Variants in TM4SF4 observed in about 807,000 individuals in gnomAD.
TM4SF4 encodes transmembrane 4 L six family member 4, also known as transmembrane 4 L6 family member 4.
TM4SF4 carries 24 observed loss-of-function variants against 24.1 expected under a neutral mutation model. The observed-to-expected ratio is 1.00, with a 90% confidence interval of 0.72 to 1.40. The LOEUF (loss-of-function observed/expected upper bound fraction) is 1.40, where lower values mean the gene tolerates loss of function less well. Among genes scored for constraint, TM4SF4 ranks in the 40% most tolerant of loss-of-function variants. The pLI, the probability that TM4SF4 is intolerant of heterozygous loss-of-function variation, is 0.00. For synonymous variants in TM4SF4, 113 were observed against 97.0 expected (o/e 1.17, Z -0.97); for missense variants, 254 against 254.2 (o/e 1.00, Z 0.01).
chr3:149,493,182 A>G (rs1734244867), intron 3 of TM4SF4, among the ~76,000 whole-genome samples: 1 of 152,354 alleles, frequency 6.6e-6, no homozygotes. Flanking sequence ...TTTATGCATT[A>G]AAACTTTAAA....
At chr3:149,483,944 C>A (rs1186416598) in intron 2 of TM4SF4, among the ~76,000 whole-genome samples, 10 of 152,076 alleles carry the variant, frequency 6.6e-5, no homozygotes, top group Admixed American at 6.6e-4. Flanking sequence ...CCATGCCTGG[C>A]TAATTTTTGT....
At chr3:149,491,159 T>A (rs909865710) in intron 3 of TM4SF4, among the ~76,000 whole-genome samples, 2 of 151,868 alleles carry the variant, frequency 1.3e-5, no homozygotes, top group African/African-American at 4.8e-5. Context: ...TTTTTTTTTT[T>A]AATTAGCTGG....
At chr3:149,476,184 T>C (rs1039141688) in intron 2 of TM4SF4, among the ~76,000 whole-genome samples, 2 of 152,240 alleles carry the variant, frequency 1.3e-5, no homozygotes, top group African/African-American at 2.4e-5. Context: ...GGGTCCCATA[T>C]ACAGAATGCA....
chr3:149,502,588 G>T (rs531755670), intron 4 of TM4SF4, 88 bp from the exon 5 acceptor site: 3 of 871,390 alleles, frequency 3.4e-6, no homozygotes, highest in Admixed American at 1.7e-5. Flanking sequence ...CCAGGAGGAA[G>T]GCAGGTGATG....
intron 2 of TM4SF4, 72 bp downstream of exon 2, chr3:149,475,984 G>T (rs1246093782): frequency 2.3e-6 from 3 of 1,330,358 alleles, no homozygotes; most frequent in Non-Finnish European, 3.2e-6. Flanking sequence ...GGCAGCATGG[G>T]GATGGAGACA....
At chr3:149,490,253 C>T (rs762270869) in intron 3 of TM4SF4, among the ~76,000 whole-genome samples, 1 of 152,168 alleles carries the variant, frequency 6.6e-6, no homozygotes, top group Non-Finnish European at 1.5e-5. Context: ...CTGTTTCCTC[C>T]CTTCTGAGAC....
chr3:149,501,357 CTCTG>C (rs1576524242), intron 4 of TM4SF4, among the ~76,000 whole-genome samples: 1 of 152,130 alleles, frequency 6.6e-6, no homozygotes, highest in African/African-American at 2.4e-5. Flanking sequence ...CATCTCTCCT[CTCTG>C]TCTCTCTCCC....
At chr3:149,496,500 G>A (rs766136587) in intron 3 of TM4SF4, among the ~76,000 whole-genome samples, 9 of 152,154 alleles carry the variant, frequency 5.9e-5, no homozygotes, top group Non-Finnish European at 1.0e-4. Context: ...AAGAACAATC[G>A]GCCAGATGCC....
At chr3:149,500,543 C>T (rs1315968922) in intron 4 of TM4SF4, among the ~76,000 whole-genome samples, 1 of 152,016 alleles carries the variant, frequency 6.6e-6, no homozygotes, top group East Asian at 1.9e-4. Context: ...AAGCAACTAC[C>T]AACTAGTAAT....
At chr3:149,492,354 G>A (rs1279639623) in intron 3 of TM4SF4, among the ~76,000 whole-genome samples, 1 of 152,134 alleles carries the variant, frequency 6.6e-6, no homozygotes, top group Admixed American at 6.5e-5. Flanking sequence ...GGGAGCAAAA[G>A]TAGTTAACTC....
intron 2 of TM4SF4, among the ~76,000 whole-genome samples, chr3:149,477,383 C>G (rs765855327): frequency 2.6e-5 from 4 of 152,170 alleles, no homozygotes; most frequent in Non-Finnish European, 4.4e-5. Flanking sequence ...CCTGTAATCT[C>G]CCATGGTTCA....
At chr3:149,475,388 C>T (rs904655211) in intron 1 of TM4SF4, among the ~76,000 whole-genome samples, 1 of 152,056 alleles carries the variant, frequency 6.6e-6, no homozygotes, top group East Asian at 1.9e-4. Flanking sequence ...GATGCAAACC[C>T]ACTAGAAAAG....
chr3:149,488,051 C>T (rs1734150079), intron 3 of TM4SF4, among the ~76,000 whole-genome samples: 1 of 152,184 alleles, frequency 6.6e-6, no homozygotes, highest in Non-Finnish European at 1.5e-5. Context: ...TATTTATTAG[C>T]AGCAACACAA....
chr3:149,499,617 G>T (rs778726649), intron 4 of TM4SF4, among the ~76,000 whole-genome samples: 4 of 152,092 alleles, frequency 2.6e-5, no homozygotes, highest in Non-Finnish European at 5.9e-5. Flanking sequence ...AAACTTGAGG[G>T]TTCCCTAACT....
chr3:149,495,487 G>A (rs4681178), intron 3 of TM4SF4: 25,661 of 412,512 alleles, frequency 0.062, 1,616 homozygotes, highest in East Asian at 0.31. Flanking sequence ...TCCAGTCAAC[G>A]TTACAACTAA....
chr3:149,480,518 A>G (rs2107867295), intron 2 of TM4SF4, among the ~76,000 whole-genome samples: 1 of 152,232 alleles, frequency 6.6e-6, no homozygotes, highest in South Asian at 2.1e-4. Context: ...TGTTTTGAAG[A>G]AAGGTCTTGG....
intron 3 of TM4SF4, chr3:149,494,850 A>C: frequency 6.5e-6 from 1 of 152,812 alleles, no homozygotes; most frequent in Non-Finnish European, 1.5e-5. Context: ...AATAAATGGT[A>C]AGATGAGTGT....
intron 3 of TM4SF4, among the ~76,000 whole-genome samples, chr3:149,492,861 A>G (rs1332652486): frequency 6.6e-6 from 1 of 152,222 alleles, no homozygotes; most frequent in East Asian, 1.9e-4. Context: ...CCACCTTAAT[A>G]GGATGAGATT....
intron 2 of TM4SF4, among the ~76,000 whole-genome samples, chr3:149,484,166 G>T (rs1316813144): frequency 2.6e-5 from 4 of 152,120 alleles, no homozygotes; most frequent in Non-Finnish European, 1.5e-5. Flanking sequence ...GCCATCAAAA[G>T]ACTCCCACAG....
Sources: allele counts gnomAD v4.1 joint callset (sites outside exome capture counted in the v4.1 genomes callset), GRCh38; gene constraint gnomAD v4.1.1; transcripts MANE v1.5; gene names NCBI Gene and HGNC (gene_info 2026-07-23, HGNC 2026-07-21).